MAF: variants seen among roughly 807,000 people sequenced by gnomAD.
The protein encoded by MAF is transcription factor Maf.
In MAF, 10 loss-of-function variants were observed where a neutral mutation model predicts 22.0. That is an observed-to-expected ratio of 0.45 (90% confidence interval 0.28 to 0.77). The LOEUF is 0.77. Among genes scored for constraint, MAF ranks in the 30% least tolerant of loss-of-function variants. The pLI is 0.12. For synonymous variants in MAF, 337 were observed against 255.8 expected, an observed-to-expected ratio of 1.32 and a Z score of -3.03; for missense variants, 544 against 548.4, an observed-to-expected ratio of 0.99 and a Z score of 0.08.
chr16:79,344,933 G>A, the MAF span, among the ~76,000 whole-genome samples: 1 of 152,266 alleles, frequency 6.6e-6, no homozygotes, highest in East Asian at 1.9e-4. Flanking sequence ...TGTGAAGAAT[G>A]TAATTAAAAA....
chr16:79,227,306 G>C, the MAF span, among the ~76,000 whole-genome samples: 1 of 152,066 alleles, frequency 6.6e-6, no homozygotes, highest in Non-Finnish European at 1.5e-5. Flanking sequence ...AGCCTTGATT[G>C]TGCCACTGCA....
the MAF span, among the ~76,000 whole-genome samples, chr16:79,482,649 G>A: frequency 5.3e-5 from 8 of 152,090 alleles, no homozygotes; most frequent in Non-Finnish European, 8.8e-5. Context: ...GTGAAGCACG[G>A]AGCATGCTCA....
chr16:79,509,764 C>T, the MAF span, among the ~76,000 whole-genome samples: 1 of 152,236 alleles, frequency 6.6e-6, no homozygotes, highest in Non-Finnish European at 1.5e-5. Context: ...TTTGATATCA[C>T]TCCACTGTTA....
the MAF span, among the ~76,000 whole-genome samples, chr16:79,433,160 C>G: frequency 6.6e-6 from 1 of 151,920 alleles, no homozygotes; most frequent in African/African-American, 2.4e-5. Flanking sequence ...AGCTGTGCAC[C>G]TTAAATCTTT....
the MAF span, among the ~76,000 whole-genome samples, chr16:79,385,902 A>T: frequency 6.6e-6 from 1 of 152,308 alleles, no homozygotes; most frequent in East Asian, 1.9e-4. Context: ...GAGACTCTGT[A>T]ACGAAAAACA....
At chr16:79,232,290 T>A in the MAF span, among the ~76,000 whole-genome samples, 4 of 152,034 alleles carry the variant, frequency 2.6e-5, no homozygotes, top group Admixed American at 2.6e-4. Context: ...GAAATGTGAA[T>A]TTGGGGAGAT....
the MAF span, among the ~76,000 whole-genome samples, chr16:79,542,684 G>A: frequency 6.6e-6 from 1 of 152,190 alleles, no homozygotes; most frequent in East Asian, 1.9e-4. Flanking sequence ...TCTGGGGCTC[G>A]TGCACTGATG....
chr16:79,415,922 A>G, the MAF span, among the ~76,000 whole-genome samples: 1 of 151,998 alleles, frequency 6.6e-6, no homozygotes, highest in Non-Finnish European at 1.5e-5. Flanking sequence ...GGTGTATTGT[A>G]TTACGGTCCT....
At chr16:79,318,818 C>T in the MAF span, among the ~76,000 whole-genome samples, 5 of 152,124 alleles carry the variant, frequency 3.3e-5, no homozygotes, top group Non-Finnish European at 7.4e-5. Flanking sequence ...AAAACACAGC[C>T]TCTGCTGGAA....
At chr16:79,239,387 G>T in the MAF span, among the ~76,000 whole-genome samples, 1 of 151,992 alleles carries the variant, frequency 6.6e-6, no homozygotes, top group Non-Finnish European at 1.5e-5. Flanking sequence ...CGGGCAAGTT[G>T]GAATGAGTTG....
At chr16:79,586,365 C>T (rs1046016488) in intron 1 of MAF, among the ~76,000 whole-genome samples, 1 of 152,106 alleles carries the variant, frequency 6.6e-6, no homozygotes, top group Non-Finnish European at 1.5e-5. Context: ...ACCACACTGG[C>T]CCAGCTTCTG....
chr16:79,399,037 T>A, the MAF span, among the ~76,000 whole-genome samples: 25 of 152,310 alleles, frequency 1.6e-4, 1 homozygote, highest in African/African-American at 5.8e-4. Context: ...TTCTTAGCAT[T>A]ATGCCTGCAA....
At chr16:79,515,066 T>G in the MAF span, among the ~76,000 whole-genome samples, 1 of 152,216 alleles carries the variant, frequency 6.6e-6, no homozygotes, top group East Asian at 1.9e-4. Context: ...CCTTTGTAAA[T>G]GGGGGACAGA....
At chr16:79,296,273 T>C in the MAF span, among the ~76,000 whole-genome samples, 1 of 152,154 alleles carries the variant, frequency 6.6e-6, no homozygotes, top group South Asian at 2.1e-4. Context: ...AAAAGACCTA[T>C]ACAGGTTGGA....
chr16:79,366,454 A>G, the MAF span, among the ~76,000 whole-genome samples: 1 of 152,208 alleles, frequency 6.6e-6, no homozygotes, highest in Non-Finnish European at 1.5e-5. Flanking sequence ...TTCATTAGTA[A>G]TAAGTTAATA....
At chr16:79,511,868 A>G in the MAF span, among the ~76,000 whole-genome samples, 4 of 152,186 alleles carry the variant, frequency 2.6e-5, no homozygotes, top group Non-Finnish European at 1.5e-5. Flanking sequence ...AATAAATTCT[A>G]CATATTTACC....
the MAF span, among the ~76,000 whole-genome samples, chr16:79,341,559 C>T: frequency 6.6e-6 from 1 of 152,212 alleles, no homozygotes; most frequent in Non-Finnish European, 1.5e-5. Flanking sequence ...AATCAGGGTT[C>T]TTCCCCACCC....
At chr16:79,424,766 T>C in the MAF span, among the ~76,000 whole-genome samples, 5 of 152,212 alleles carry the variant, frequency 3.3e-5, no homozygotes, top group Admixed American at 6.5e-5. Flanking sequence ...ATGGCTGTTG[T>C]TGGTTCTATC....
the MAF span, among the ~76,000 whole-genome samples, chr16:79,223,390 A>C: frequency 6.6e-6 from 1 of 152,198 alleles, no homozygotes; most frequent in African/African-American, 2.4e-5. Context: ...TATAGCACTA[A>C]ATGCCCACAA....
Sources: gnomAD v4.1 joint callset for allele counts (sites outside exome capture counted in the v4.1 genomes callset) on GRCh38, gnomAD v4.1.1 for gene constraint, MANE v1.5 for transcripts, NCBI Gene and HGNC (gene_info 2026-07-23, HGNC 2026-07-21) for gene names.